KDM4C: variants seen among roughly 807,000 people sequenced by gnomAD.
The protein encoded by KDM4C is lysine demethylase 4C, also known as lysine-specific demethylase 4C.
Under a neutral mutation model 129.3 loss-of-function variants are expected in KDM4C, and 81 were observed. That is an observed-to-expected ratio of 0.63 (90% confidence interval 0.52 to 0.75). KDM4C has a LOEUF of 0.75. Ranked by LOEUF, KDM4C falls within the 30% of genes least tolerant of loss-of-function variation. The probability of loss-of-function intolerance (pLI) is 0.00; values close to 1 mark genes in which losing one functional copy is unlikely to be tolerated. For synonymous variants in KDM4C, 573 were observed against 456.1 expected (o/e 1.26, Z -3.26); for missense variants, 1,457 against 1,304.0 (o/e 1.12, Z -1.81).
chr9:7,028,099 C>T (rs963332526), intron 15 of KDM4C, among the ~76,000 whole-genome samples: 3 of 152,124 alleles, frequency 2.0e-5, no homozygotes, highest in African/African-American at 7.2e-5. Context: ...CAAGCTGGTA[C>T]CTAAGGTGCA....
At chr9:6,984,137 G>A (rs777148861) in intron 9 of KDM4C, 29 bp from the exon 10 acceptor site, 76 of 1,470,244 alleles carry the variant, frequency 5.2e-5, no homozygotes, top group Middle Eastern at 1.7e-4. Flanking sequence ...CAGACATCCC[G>A]CTCTGACCAC....
chr9:6,993,327 C>T (rs1819091275), intron 12 of KDM4C, among the ~76,000 whole-genome samples: 1 of 152,040 alleles, frequency 6.6e-6, no homozygotes, highest in Non-Finnish European at 1.5e-5. Context: ...AAATACTAAA[C>T]TGCCTCTTTT....
chr9:6,983,838 G>C (rs1449502627), intron 9 of KDM4C, among the ~76,000 whole-genome samples: 1 of 151,418 alleles, frequency 6.6e-6, no homozygotes, highest in African/African-American at 2.4e-5. Context: ...TTTTATTTCT[G>C]TCTCATTTCA....
intron 15 of KDM4C, among the ~76,000 whole-genome samples, chr9:7,024,268 C>G (rs1825395580): frequency 1.6e-5 from 2 of 122,754 alleles, no homozygotes; most frequent in African/African-American, 6.1e-5. Context: ...GTCTATCTCT[C>G]TTTTTATCTC....
chr9:6,937,583 T>C (rs1031425998), intron 8 of KDM4C, among the ~76,000 whole-genome samples: 5 of 152,172 alleles, frequency 3.3e-5, no homozygotes, highest in African/African-American at 9.7e-5. Context: ...TTCTTACCTG[T>C]TGTGCACATG....
At chr9:6,726,194 G>A (rs1817122286) in intron 1 of KDM4C, among the ~76,000 whole-genome samples, 1 of 152,156 alleles carries the variant, frequency 6.6e-6, no homozygotes, top group African/African-American at 2.4e-5. Flanking sequence ...AAAGTGCTGG[G>A]ATTACAGGCG....
chr9:7,015,251 T>G (rs1279762744), intron 14 of KDM4C, among the ~76,000 whole-genome samples: 2 of 152,126 alleles, frequency 1.3e-5, no homozygotes, highest in Non-Finnish European at 2.9e-5. Context: ...AATTACTCAT[T>G]TAAATATTTC....
At chr9:6,885,619 A>T (rs1267521475) in intron 6 of KDM4C, among the ~76,000 whole-genome samples, 1 of 89,274 alleles carries the variant, frequency 1.1e-5, no homozygotes. Flanking sequence ...CTTAAAAAAG[A>T]CAAAAAAAAA....
At chr9:6,819,450 A>G (rs1564085842) in intron 4 of KDM4C, among the ~76,000 whole-genome samples, 2 of 152,224 alleles carry the variant, frequency 1.3e-5, no homozygotes, top group Non-Finnish European at 2.9e-5. Context: ...TACAGGTTTT[A>G]GAGCTGGGAA....
chr9:7,028,870 C>A (rs1217077205), intron 15 of KDM4C, among the ~76,000 whole-genome samples: 2 of 152,082 alleles, frequency 1.3e-5, no homozygotes, highest in African/African-American at 4.8e-5. Flanking sequence ...CATTCTCTTA[C>A]AATTTCTGTG....
intron 5 of KDM4C, among the ~76,000 whole-genome samples, chr9:6,877,556 A>T (rs1428414832): frequency 6.6e-6 from 1 of 152,122 alleles, no homozygotes; most frequent in African/African-American, 2.4e-5. Context: ...TAGAGAACAG[A>T]ATTGTTCTTT....
At chr9:7,103,636 C>T in intron 17 of KDM4C, 49 bp from the exon 18 acceptor site, 1 of 1,237,190 alleles carries the variant, frequency 8.1e-7, no homozygotes, top group Non-Finnish European at 1.2e-6. Flanking sequence ...TGGGAACTGA[C>T]TGGGTTACAG....
At chr9:7,000,947 C>A (rs933395593) in intron 12 of KDM4C, among the ~76,000 whole-genome samples, 2 of 151,878 alleles carry the variant, frequency 1.3e-5, no homozygotes, top group African/African-American at 2.4e-5. Context: ...TTTGTTTTGC[C>A]GCTGGCCAAT....
At chr9:6,776,298 G>A (rs1409061208) in intron 1 of KDM4C, among the ~76,000 whole-genome samples, 2 of 151,982 alleles carry the variant, frequency 1.3e-5, no homozygotes, top group African/African-American at 4.8e-5. Context: ...GGAGTCTCGC[G>A]CTGTTGCCAG....
chr9:7,146,045 G>A (rs911701229), intron 19 of KDM4C, among the ~76,000 whole-genome samples: 2 of 152,188 alleles, frequency 1.3e-5, no homozygotes, highest in Admixed American at 1.3e-4. Flanking sequence ...ACTTACCAGT[G>A]CAGCCAGGAG....
chr9:6,752,856 A>T (rs1357953677), upstream of KDM4C, among the ~76,000 whole-genome samples: 1 of 152,174 alleles, frequency 6.6e-6, no homozygotes, highest in Non-Finnish European at 1.5e-5. Context: ...GTGTTCCTCA[A>T]TGAAGATATC....
intron 1 of KDM4C, among the ~76,000 whole-genome samples, chr9:6,773,448 T>G (rs1822321215): frequency 6.6e-6 from 1 of 152,178 alleles, no homozygotes; most frequent in Admixed American, 6.5e-5. Context: ...TACACTTGAT[T>G]GTCCATTTAA....
At chr9:6,853,668 G>A (rs1178274126) in intron 5 of KDM4C, among the ~76,000 whole-genome samples, 2 of 152,186 alleles carry the variant, frequency 1.3e-5, no homozygotes, top group Non-Finnish European at 2.9e-5. Flanking sequence ...AGCAGCTGAT[G>A]ATTTATTTGA....
intron 5 of KDM4C, among the ~76,000 whole-genome samples, chr9:6,870,751 GA>G (rs1842719411): frequency 6.6e-6 from 1 of 152,024 alleles, no homozygotes; most frequent in African/African-American, 2.4e-5. Flanking sequence ...CTTCACAGGG[GA>G]TGATTGTGAG....
Sources: allele counts gnomAD v4.1 joint callset (sites outside exome capture counted in the v4.1 genomes callset), GRCh38; gene constraint gnomAD v4.1.1; transcripts MANE v1.5; gene names NCBI Gene and HGNC (gene_info 2026-07-23, HGNC 2026-07-21).